Variants in DIXDC1 observed in about 807,000 individuals in gnomAD.
DIXDC1 encodes the protein DIX domain containing 1.
Under a neutral mutation model 103.1 loss-of-function variants are expected in DIXDC1, and 64 were observed. The ratio of observed to expected loss-of-function variants is 0.62; its 90% confidence interval spans 0.51 to 0.76. The LOEUF is 0.76. Ranked by LOEUF, DIXDC1 falls within the 30% of genes least tolerant of loss-of-function variation. DIXDC1 has a pLI of 0.00. For synonymous variants in DIXDC1, 266 were observed against 298.5 expected (o/e 0.89, Z 1.12); for missense variants, 759 against 834.2 (o/e 0.91, Z 1.11).
chr11:111,993,807 C>A, intron 14 of DIXDC1, 67 bp downstream of exon 14: 1 of 1,557,978 alleles, frequency 6.4e-7, no homozygotes, highest in Non-Finnish European at 8.7e-7. Flanking sequence ...GTTTCTGACT[C>A]AGAGCTGAAC....
intron 1 of DIXDC1, among the ~76,000 whole-genome samples, chr11:111,949,299 A>G (rs1474199150): frequency 4.6e-5 from 7 of 152,220 alleles, no homozygotes; most frequent in Admixed American, 1.3e-4. Flanking sequence ...GTGTTCTACA[A>G]ATAGCTCAGA....
intron 2 of DIXDC1, among the ~76,000 whole-genome samples, chr11:111,966,211 T>G (rs1279521010): frequency 2.3e-5 from 3 of 127,996 alleles, no homozygotes; most frequent in African/African-American, 1.1e-4. Flanking sequence ...CCCGGGGTTT[T>G]TTTTTTTTTT....
intron 1 of DIXDC1, among the ~76,000 whole-genome samples, chr11:111,942,871 G>T (rs1415520639): frequency 6.6e-6 from 1 of 152,154 alleles, no homozygotes; most frequent in African/African-American, 2.4e-5. Context: ...ACTGCCATCA[G>T]TCGGAGCCTG....
upstream of DIXDC1, among the ~76,000 whole-genome samples, chr11:111,936,845 A>AGTATGTGT (rs1401003819): frequency 1.1e-4 from 16 of 140,758 alleles, no homozygotes; most frequent in African/African-American, 3.9e-4. Flanking sequence ...TTAAGTTAGC[A>AGTATGTGT]GTGTGTGTGT....
chr11:111,937,653 G>A (rs1245356043), intron 1 of DIXDC1, 94 bp downstream of exon 1: 2 of 1,340,092 alleles, frequency 1.5e-6, no homozygotes, highest in African/African-American at 1.5e-5. Flanking sequence ...CCATCCTTTG[G>A]GGACCCCAGA....
At chr11:111,984,727 G>A (rs1165846944) in intron 7 of DIXDC1, among the ~76,000 whole-genome samples, 3 of 152,152 alleles carry the variant, frequency 2.0e-5, no homozygotes, top group Non-Finnish European at 4.4e-5. Flanking sequence ...CTGCAAATGT[G>A]TTTTCCTTCT....
chr11:111,962,815 G>A (rs59737080), intron 1 of DIXDC1, among the ~76,000 whole-genome samples: 3,953 of 152,250 alleles, frequency 0.026, 182 homozygotes, highest in African/African-American at 0.09. Context: ...TTCTTTCTGG[G>A]CTTAACTGCT....
chr11:111,994,906 C>T lies in DIXDC1; in HGVS notation c.1438-113C>T, dbSNP rs1362276476. Reference sequence around the variant, plus strand: ...CATTCTAATAAAGAGAGCCATTAAACAGACAATTATATACTTCATCAGGAA... The same window carrying T: ...CATTCTAATAAAGAGAGCCATTAAATAGACAATTATATACTTCATCAGGAA... On this transcript the variant is annotated intron_variant, in intron 14 of 19. Coordinates refer to ENST00000440460, the MANE Select transcript of DIXDC1 (RefSeq NM_001037954.4). 3.0e-6 allele frequency: 3 copies of T among 1,009,672 alleles called. No homozygotes were observed. The African/African-American group carries it at 4.8e-5, about 16-fold the overall frequency. 62.5% of individuals were successfully genotyped at this position (1,009,672 alleles called of 1,614,324 possible). A position where few individuals can be genotyped will look rare whatever the true frequency, so the allele number is the denominator to read the frequency against.
intron 10 of DIXDC1, among the ~76,000 whole-genome samples, chr11:111,991,276 C>A (rs1860705362): frequency 6.6e-6 from 1 of 152,194 alleles, no homozygotes; most frequent in African/African-American, 2.4e-5. Context: ...TGTAAAGGAT[C>A]TGAAAAGGTC....
chr11:111,935,288 T>A (rs1555168024), upstream of DIXDC1, among the ~76,000 whole-genome samples: 2 of 152,216 alleles, frequency 1.3e-5, no homozygotes, highest in East Asian at 3.8e-4. Context: ...TGGTTGCTTT[T>A]TCTATGATAT....
upstream of DIXDC1, among the ~76,000 whole-genome samples, chr11:111,933,493 A>G (rs1966097445): frequency 6.6e-6 from 1 of 151,956 alleles, no homozygotes; most frequent in Non-Finnish European, 1.5e-5. Flanking sequence ...GGAGTGGTGC[A>G]GTCACGGCTC....
At chr11:111,999,987 T>G (rs1291774403) in intron 17 of DIXDC1, among the ~76,000 whole-genome samples, 9 of 151,962 alleles carry the variant, frequency 5.9e-5, no homozygotes, top group African/African-American at 1.9e-4. Context: ...AATACAAAAA[T>G]TAGCTGGGGG....
intron 1 of DIXDC1, among the ~76,000 whole-genome samples, chr11:111,949,634 C>T (rs1432907190): frequency 1.3e-5 from 2 of 152,254 alleles, no homozygotes; most frequent in East Asian, 1.9e-4. Flanking sequence ...CAACTTCACA[C>T]TTCCTGTTGA....
At position 111,958,851 on chromosome 11, in the gene DIXDC1, G is replaced by A. The variant is rs1555170792; in HGVS notation, c.61-5698G>A. On this transcript the variant is annotated intron_variant, in intron 1 of 19. Coordinates refer to ENST00000440460, the MANE Select transcript of DIXDC1 (RefSeq NM_001037954.4). This position sits in a 1 kb window ranked among gnomAD's most constrained non-coding sequence, Gnocchi z 4.2. Reference sequence around the variant, plus strand: ...GACTCAACCAGACTTGGAAAATGATGGGACGACCTGCCTGCGGAGAGGAGC... The same window carrying A: ...GACTCAACCAGACTTGGAAAATGATAGGACGACCTGCCTGCGGAGAGGAGC... 6.6e-6 allele frequency among the ~76,000 whole-genome samples: 1 copy of A among 152,186 alleles called. No individual in the cohort carries two copies. Among genetic ancestry groups the A allele is most frequent in the Non-Finnish European group, 1.5e-5 (1 of 68,034 alleles).
chr11:111,993,150 G>A (rs1860761261), intron 12 of DIXDC1, 146 bp downstream of exon 12: 5 of 892,922 alleles, frequency 5.6e-6, no homozygotes, highest in Non-Finnish European at 8.4e-6. Flanking sequence ...GCATTTTTCT[G>A]TGTCCCCTGA....
At position 111,990,366 on chromosome 11, in the gene DIXDC1, C is replaced by T. The variant is rs181381538; in HGVS notation, c.1113+1311C>T. ...TCGGCCTCTCTAAGTGCTGGGATTA[C>T]AGGTGTGAGCCACCACGCCCGACCT... On this transcript the variant is annotated intron_variant, in intron 10 of 19. Coordinates refer to ENST00000440460, the MANE Select transcript of DIXDC1 (RefSeq NM_001037954.4). Among the ~76,000 whole-genome samples the T allele has an allele frequency of 2.6e-5, 4 of 152,206 alleles. No individual in the cohort carries two copies. In the East Asian group the frequency reaches 7.7e-4, roughly 29 times the overall value.
chr11:111,984,292 C>T (rs1004127372), intron 7 of DIXDC1, among the ~76,000 whole-genome samples: 10 of 152,078 alleles, frequency 6.6e-5, no homozygotes, highest in African/African-American at 2.4e-4. Flanking sequence ...ACACCTGTAA[C>T]CCCAGCACTT....
intron 9 of DIXDC1, among the ~76,000 whole-genome samples, chr11:111,988,616 A>G (rs1860582137): frequency 6.6e-6 from 1 of 152,220 alleles, no homozygotes; most frequent in African/African-American, 2.4e-5. Flanking sequence ...TAATTATTTA[A>G]TGACATTGGG....
intron 17 of DIXDC1, among the ~76,000 whole-genome samples, chr11:112,011,566 A>G (rs1360099778): frequency 5.9e-5 from 9 of 152,228 alleles, no homozygotes; most frequent in East Asian, 1.9e-4. Context: ...ATGTCCATCA[A>G]TGATAGACTG....
Sources: gnomAD v4.1 joint callset for allele counts (sites outside exome capture counted in the v4.1 genomes callset) on GRCh38, gnomAD v4.1.1 for gene constraint, Gnocchi (gnomAD v3.1) non-coding constraint, MANE v1.5 for transcripts, NCBI Gene and HGNC (gene_info 2026-07-23, HGNC 2026-07-21) for gene names.